The following CTNNA2 variants were observed in gnomAD, a reference collection of about 807,000 sequenced individuals.
CTNNA2 encodes catenin alpha-2.
A neutral mutation model predicts 101.0 loss-of-function variants in CTNNA2; 42 were observed. The observed-to-expected ratio is 0.42, with a 90% CI of 0.32 to 0.54. The LOEUF is 0.54. Ranked by LOEUF, CTNNA2 falls within the 20% of genes least tolerant of loss-of-function variation. CTNNA2 has a pLI of 0.14. For synonymous variants in CTNNA2, 450 were observed against 456.4 expected (o/e 0.99, Z 0.18); for missense variants, 871 against 1,223.1 (o/e 0.71, Z 4.29).
chr2:80,637,521 T>G (rs138766722), intron 18 of CTNNA2, among the ~76,000 whole-genome samples: 1 of 151,668 alleles, frequency 6.6e-6, no homozygotes, highest in East Asian at 1.9e-4. Context: ...GAAGAGGTGA[T>G]CACAGGAACA....
chr2:80,480,458 A>G (rs191860040), intron 9 of CTNNA2, among the ~76,000 whole-genome samples: 331 of 152,212 alleles, frequency 2.2e-3, no homozygotes, highest in Admixed American at 4.8e-3. Flanking sequence ...TTTACACCCA[A>G]TTCCTATGTT....
chr2:79,481,416 G>T (rs1003230826), intron 4 of CTNNA2, among the ~76,000 whole-genome samples: 1 of 152,054 alleles, frequency 6.6e-6, no homozygotes, highest in Non-Finnish European at 1.5e-5. Context: ...TTGAAGTCAT[G>T]ATCAGGTGTG....
At chr2:80,264,136 AG>A (rs1458829775) in intron 7 of CTNNA2, among the ~76,000 whole-genome samples, 1 of 152,156 alleles carries the variant, frequency 6.6e-6, no homozygotes. Flanking sequence ...TAGAAGTGAA[AG>A]ATTGCTTGCT....
At chr2:80,523,839 TTACAC>T (rs1227931958) in intron 9 of CTNNA2, among the ~76,000 whole-genome samples, 4 of 152,192 alleles carry the variant, frequency 2.6e-5, no homozygotes, top group African/African-American at 9.7e-5. Context: ...TACAAATTCT[TTACAC>T]TAATGTGGTA....
At chr2:80,150,981 T>A (rs11681186) in intron 7 of CTNNA2, among the ~76,000 whole-genome samples, 5,005 of 152,284 alleles carry the variant, frequency 0.033, 92 homozygotes, top group African/African-American at 0.053. Flanking sequence ...AAGCTCAGCC[T>A]GTTGCCCACG....
intron 7 of CTNNA2, among the ~76,000 whole-genome samples, chr2:80,236,815 CAG>C: frequency 6.6e-6 from 1 of 152,290 alleles, no homozygotes; most frequent in African/African-American, 2.4e-5. Context: ...TAATCAGACA[CAG>C]AGAATCCACA....
At chr2:80,259,137 A>G (rs1156252975) in intron 7 of CTNNA2, among the ~76,000 whole-genome samples, 1 of 152,100 alleles carries the variant, frequency 6.6e-6, no homozygotes, top group Non-Finnish European at 1.5e-5. Flanking sequence ...GGGCAAGAAC[A>G]CTGACTCTTG....
intron 3 of CTNNA2, among the ~76,000 whole-genome samples, chr2:79,747,712 G>A (rs981348432): frequency 2.6e-5 from 4 of 152,136 alleles, no homozygotes; most frequent in Non-Finnish European, 4.4e-5. Flanking sequence ...GACTATCCTA[G>A]GAGTATTGGA....
intron 12 of CTNNA2, among the ~76,000 whole-genome samples, chr2:80,570,599 G>A (rs181716348): frequency 1.8e-4 from 28 of 152,252 alleles, no homozygotes; most frequent in Non-Finnish European, 3.5e-4. Context: ...ATGAGTTCGA[G>A]TTTTATGTTT....
At chr2:79,270,646 C>A (rs1675059915) in intron 2 of CTNNA2, among the ~76,000 whole-genome samples, 1 of 151,940 alleles carries the variant, frequency 6.6e-6, no homozygotes, top group African/African-American at 2.4e-5. Flanking sequence ...CTCAGGTTCT[C>A]AGAAATCTTC....
At chr2:79,982,472 T>TACACACACACACAA (rs1691445598) in intron 7 of CTNNA2, among the ~76,000 whole-genome samples, 1 of 139,716 alleles carries the variant, frequency 7.2e-6, no homozygotes. Context: ...GACTCCTAAC[T>TACACACACACACAA]ACACACACAC....
intron 7 of CTNNA2, among the ~76,000 whole-genome samples, chr2:80,182,743 G>A (rs143090139): frequency 3.7e-4 from 57 of 152,308 alleles, no homozygotes; most frequent in African/African-American, 1.2e-3. Context: ...TTTTTATGGC[G>A]AAAAAGCCAG....
chr2:79,223,377 G>A (rs4853445), intron 2 of CTNNA2, among the ~76,000 whole-genome samples: 132,448 of 152,224 alleles, frequency 0.87, 57,800 homozygotes, highest in East Asian at 1. Flanking sequence ...ACTTTGTTAT[G>A]ACATCCTGGG....
rs1355600278 is a variant in CTNNA2, at chr2:80,376,084, A to G, written c.1057-17127A>G. On this transcript the variant is annotated intron_variant, in intron 7 of 18. Transcript: ENST00000402739. ...GAAGGTCTGAGTCACTCTTTGCCTT[A>G]AACTATAAAAATGAATCTTTTTTTT... 2.0e-5 allele frequency among the ~76,000 whole-genome samples: 3 copies of G among 152,156 alleles called. No individual in the cohort carries two copies. The East Asian group carries it at 5.8e-4, about 29-fold the overall frequency.
chr2:80,044,295 C>T (rs1696371976), intron 7 of CTNNA2, among the ~76,000 whole-genome samples: 1 of 151,980 alleles, frequency 6.6e-6, no homozygotes, highest in Non-Finnish European at 1.5e-5. Context: ...GTTTTTGTTA[C>T]TTGAACTATA....
At chr2:79,298,534 T>A (rs1676035279) in intron 2 of CTNNA2, among the ~76,000 whole-genome samples, 1 of 152,224 alleles carries the variant, frequency 6.6e-6, no homozygotes. Context: ...CTAACTCTGA[T>A]GGTTCCATCT....
At chr2:79,460,061 G>A (rs1670863222) in intron 4 of CTNNA2, among the ~76,000 whole-genome samples, 3 of 151,938 alleles carry the variant, frequency 2.0e-5, no homozygotes, top group African/African-American at 7.3e-5. Context: ...CATCTTTCCA[G>A]GTAGTAATAT....
chr2:80,428,975 T>G (rs1681242334), intron 9 of CTNNA2, among the ~76,000 whole-genome samples: 2 of 152,060 alleles, frequency 1.3e-5, no homozygotes, highest in Non-Finnish European at 2.9e-5. Flanking sequence ...TACAACTGAG[T>G]TACTGAAGTT....
At chr2:80,099,204 A>G (rs17018612) in intron 7 of CTNNA2, among the ~76,000 whole-genome samples, 14,594 of 152,036 alleles carry the variant, frequency 0.096, 844 homozygotes, top group South Asian at 0.31. Flanking sequence ...TTCATTAAGA[A>G]TAAGTCCTGA....
Sources: gnomAD v4.1 joint callset for allele counts (sites outside exome capture counted in the v4.1 genomes callset) on GRCh38, gnomAD v4.1.1 for gene constraint, MANE v1.5 for transcripts, NCBI Gene and HGNC (gene_info 2026-07-23, HGNC 2026-07-21) for gene names.